Variants in COL28A1 observed in about 807,000 individuals in gnomAD.
The protein encoded by COL28A1 is collagen type XXVIII alpha 1 chain.
COL28A1 carries 161 observed loss-of-function variants against 150.2 expected under a neutral mutation model. The observed-to-expected ratio is 1.07, with a 90% CI of 0.94 to 1.22. The LOEUF is 1.22. Ranked by LOEUF, COL28A1 falls within the 50% of genes most tolerant of loss-of-function variation. The pLI is 0.00. For synonymous variants in COL28A1, 552 were observed against 469.7 expected, an observed-to-expected ratio of 1.18 and a Z score of -2.26; for missense variants, 1,617 against 1,388.3, an observed-to-expected ratio of 1.16 and a Z score of -2.62.
At chr7:7,350,887 A>T in the COL28A1 span, among the ~76,000 whole-genome samples, 1 of 152,100 alleles carries the variant, frequency 6.6e-6, no homozygotes, top group African/African-American at 2.4e-5. Context: ...AATGTCAAGA[A>T]ACTGAGTGTG....
chr7:7,354,449 C>T (rs1319845983), downstream of COL28A1, among the ~76,000 whole-genome samples: 1 of 152,084 alleles, frequency 6.6e-6, no homozygotes, highest in Non-Finnish European at 1.5e-5. Context: ...TTAGAGGCTA[C>T]TCTTATTACA....
At chr7:7,443,986 G>GTTTTTT (rs71010980) in intron 19 of COL28A1, among the ~76,000 whole-genome samples, 21 of 95,532 alleles carry the variant, frequency 2.2e-4, no homozygotes, top group African/African-American at 4.4e-4. Flanking sequence ...TCCATCTGCT[G>GTTTTTT]TTTTTTTTTT....
chr7:7,460,957 C>CT (rs1787567916), intron 15 of COL28A1, among the ~76,000 whole-genome samples: 1 of 152,162 alleles, frequency 6.6e-6, no homozygotes, highest in Non-Finnish European at 1.5e-5. Context: ...CATGTGGAGG[C>CT]TAGCACTGTG....
intron 11 of COL28A1, among the ~76,000 whole-genome samples, chr7:7,503,566 G>C (rs1468651647): frequency 1.3e-5 from 2 of 152,112 alleles, no homozygotes; most frequent in African/African-American, 4.8e-5. Context: ...ATTATTTCCA[G>C]ATTGAGGAAC....
chr7:7,531,669 C>T lies in COL28A1; in HGVS notation c.360G>A (p.Lys120=), dbSNP rs1421664346. ...SWKDLQTFKQ[K]VKSMNLIGQG... is the part of the protein sequence containing the mutation. ...GCCCTATTAAATTCATAGACTTGAC[C>T]TTCTGCTTAAATGTCTGCAGGTCCT... Residue 120 remains lysine (K), a synonymous_variant, in exon 3 of 35, where the codon AAG becomes AAA. Transcript: ENST00000399429. The T allele has an allele frequency of 3.1e-6, 5 of 1,597,250 alleles. No homozygotes were observed. The highest frequency in any genetic ancestry group is 4.3e-6 in the Non-Finnish European group (5 of 1,164,680).
chr7:7,373,365 C>T lies in COL28A1; in HGVS notation c.2541G>A (p.Glu847=). The change falls in exon 32 of 35, where the codon GAG becomes GAA. Residue 847 remains glutamate (E), a synonymous_variant. Coordinates refer to ENST00000399429, the MANE Select transcript of COL28A1 (RefSeq NM_001037763.3). The surrounding 1 kb of genome is among the most constrained non-coding windows in gnomAD (Gnocchi z 4.1). ...IGIINYSHKV[E]KVANLKQFSS... is the part of the protein sequence containing the mutation. ...AGAACTGCTTCAAATTAGCCACCTT[C>T]TCCACCTTATGGCTATAGTTGATTA... 6.2e-7 allele frequency: 1 copy of T among 1,614,224 alleles called. No homozygotes were observed. The highest frequency in any genetic ancestry group is 8.5e-7 in the Non-Finnish European group (1 of 1,180,038).
intron 27 of COL28A1, among the ~76,000 whole-genome samples, chr7:7,412,536 G>A (rs972033411): frequency 6.6e-6 from 1 of 152,110 alleles, no homozygotes; most frequent in African/African-American, 2.4e-5. Context: ...GGGAAGGGAA[G>A]CAGGTGGAAA....
At chr7:7,459,514 A>G (rs1787435782) in intron 15 of COL28A1, among the ~76,000 whole-genome samples, 2 of 152,248 alleles carry the variant, frequency 1.3e-5, no homozygotes, top group African/African-American at 4.8e-5. Context: ...CAATATAATT[A>G]TCTGCTTAAA....
At chr7:7,361,830 C>T (rs2348044) in intron 33 of COL28A1, among the ~76,000 whole-genome samples, 118,061 of 151,366 alleles carry the variant, frequency 0.78, 46,234 homozygotes, top group East Asian at 0.87. Context: ...GGCACATATA[C>T]ACCATGGAAT....
chr7:7,519,716 C>G (rs781760270), intron 6 of COL28A1, among the ~76,000 whole-genome samples: 3 of 152,132 alleles, frequency 2.0e-5, no homozygotes, highest in Non-Finnish European at 4.4e-5. Context: ...ATTAAAAACA[C>G]AAGTGCCAGT....
rs1785718128 is a variant in COL28A1 at position 7,440,833 on chromosome 7, C to A, written c.1679G>T (p.Gly560Val). The change falls in exon 21 of 35, where the codon GGA (glycine) becomes GTA (valine). Residue 560 changes from glycine (G) to valine (V), a missense_variant. By Grantham distance (109) the Gly-to-Val change is moderately radical. Coordinates refer to ENST00000399429, the MANE Select transcript of COL28A1 (RefSeq NM_001037763.3). ...TGGAAGTCCCCTCTGTCCTTGATTTCCTTTGCTCCCTTTCTTGCCTTCGTC... is the reference window on the plus strand; with the variant it reads ...TGGAAGTCCCCTCTGTCCTTGATTTACTTTGCTCCCTTTCTTGCCTTCGTC... ...KGDEGKKGSK[G>V]NQGQRGLPGP... 6.5e-7 allele frequency: 1 copy of A among 1,550,342 alleles called. No individual in the cohort carries two copies. Among genetic ancestry groups the A allele is most frequent in the South Asian group, 1.1e-5 (1 of 89,180 alleles).
chr7:7,358,655 T>C lies in COL28A1; in HGVS notation c.3356A>G (p.Gln1119Arg), dbSNP rs1445315648. ...TGCTCATCCTTGAATGCAGGTTTCT[T>C]GACATTCCTTTTCACTGTTGAATCT... ...GNRFNSEKEC[Q>R]ETCIQG Residue 1119 changes from glutamine to arginine, a missense_variant, in exon 35 of 35, where the codon CAA (glutamine) becomes CGA (arginine). By Grantham distance (43) the Gln-to-Arg change is conservative. Transcript: ENST00000399429. 1 of 1,613,872 alleles carries C rather than the reference T, an allele frequency of 6.2e-7. No homozygotes were observed. Among genetic ancestry groups the C allele is most frequent in the African/African-American group, 1.3e-5 (1 of 74,898 alleles).
At chr7:7,475,115 TTTG>T (rs1000324103) in intron 14 of COL28A1, among the ~76,000 whole-genome samples, 20 of 152,200 alleles carry the variant, frequency 1.3e-4, no homozygotes, top group Non-Finnish European at 2.6e-4. Context: ...TACCTTTTTT[TTTG>T]TTTATAAACA....
chr7:7,366,939 T>C (rs1780961468), intron 33 of COL28A1, among the ~76,000 whole-genome samples: 1 of 152,246 alleles, frequency 6.6e-6, no homozygotes, highest in Non-Finnish European at 1.5e-5. Flanking sequence ...AAATATGTTC[T>C]TGTATGTGTG....
chr7:7,525,602 A>C (rs558121544), intron 3 of COL28A1, among the ~76,000 whole-genome samples: 3 of 152,342 alleles, frequency 2.0e-5, no homozygotes, highest in Non-Finnish European at 4.4e-5. Flanking sequence ...AAAATGCAGA[A>C]GCTAACAAGG....
At chr7:7,487,622 T>C (rs947331395) in intron 13 of COL28A1, among the ~76,000 whole-genome samples, 3 of 152,188 alleles carry the variant, frequency 2.0e-5, no homozygotes, top group Non-Finnish European at 2.9e-5. Context: ...TCAGAATATT[T>C]CCAGCTCTGA....
rs1196926251 is a variant in COL28A1, at chr7:7,419,821, C to G, written c.2067+64G>C. ...AAGACGAACACTTATTATGAAGTTA[C>G]TGTTCACTTGTTTGTCACTGATGAT... On this transcript the variant is annotated intron_variant, in intron 26 of 34. Coordinates refer to ENST00000399429, the MANE Select transcript of COL28A1 (RefSeq NM_001037763.3). The G allele has an allele frequency of 3.9e-6, 4 of 1,026,866 alleles. No individual in the cohort carries two copies. The East Asian group carries it at 8.2e-5, about 21-fold the overall frequency. The allele number at this position is 1,026,866 out of a possible 1,614,324, so 63.6% of individuals were successfully genotyped here.
At chr7:7,347,752 C>T in the COL28A1 span, among the ~76,000 whole-genome samples, 1 of 152,042 alleles carries the variant, frequency 6.6e-6, no homozygotes, top group African/African-American at 2.4e-5. Context: ...GGTACAAAGA[C>T]ACAAAGGCAA....
chr7:7,380,754 T>C, intron 29 of COL28A1, 28 bp downstream of exon 29: 1 of 1,612,456 alleles, frequency 6.2e-7, no homozygotes, highest in South Asian at 1.1e-5. Context: ...GAGTATAAAA[T>C]CACAGTGAGA....
Sources: allele counts gnomAD v4.1 joint callset (sites outside exome capture counted in the v4.1 genomes callset), GRCh38; gene constraint gnomAD v4.1.1; non-coding constraint Gnocchi (gnomAD v3.1); transcripts MANE v1.5; gene names NCBI Gene and HGNC (gene_info 2026-07-23, HGNC 2026-07-21).